The following STRBP variants were observed in gnomAD, a reference collection of about 807,000 sequenced individuals.
STRBP encodes the protein spermatid perinuclear RNA-binding protein.
In STRBP, 13 loss-of-function variants were observed where a neutral mutation model predicts 80.1. The ratio of observed to expected loss-of-function variants is 0.16; its 90% confidence interval spans 0.11 to 0.26. The LOEUF (loss-of-function observed/expected upper bound fraction) is 0.26, where lower values mean the gene tolerates loss of function less well. STRBP is among the 10% of genes least tolerant of loss of function. The pLI is 1.00. For synonymous variants in STRBP, 284 were observed against 291.2 expected (o/e 0.98, Z 0.25); for missense variants, 485 against 815.2 (o/e 0.59, Z 4.93).
At chr9:123,225,674 T>G (rs1032072424) in intron 2 of STRBP, among the ~76,000 whole-genome samples, 1 of 152,318 alleles carries the variant, frequency 6.6e-6, no homozygotes, top group African/African-American at 2.4e-5. Flanking sequence ...CACCCCCTGA[T>G]GGTATTGGCG....
intron 14 of STRBP, among the ~76,000 whole-genome samples, 189 bp downstream of exon 14, chr9:123,139,340 T>C (rs1454303575): frequency 6.6e-6 from 1 of 152,202 alleles, no homozygotes; most frequent in Non-Finnish European, 1.5e-5. Context: ...CATGAAAAGA[T>C]GACTGCCTTC....
chr9:123,162,539 A>T (rs1044238580), intron 6 of STRBP, among the ~76,000 whole-genome samples: 1 of 152,200 alleles, frequency 6.6e-6, no homozygotes, highest in African/African-American at 2.4e-5. Flanking sequence ...TAACTGATGA[A>T]ATGTCATTAA....
chr9:123,264,243 T>G (rs559350551), intron 1 of STRBP, among the ~76,000 whole-genome samples: 2 of 152,218 alleles, frequency 1.3e-5, no homozygotes, highest in African/African-American at 4.8e-5. Context: ...AAATTCCTGC[T>G]TAGAAACAAT....
In STRBP at chr9:123,123,371, CTT is replaced by C; in HGVS notation, c.*2224_*2225del. On this transcript the variant is annotated 3_prime_UTR_variant, in exon 19 of 19. Transcript: ENST00000348403. ...GGGAAGGGCAACAGGTGGGGGGACACTTAATTCATTACAGAATTTAAACAGTT... is the reference window on the plus strand; with the variant it reads ...GGGAAGGGCAACAGGTGGGGGGACACAATTCATTACAGAATTTAAACAGTT... The C allele has an allele frequency of 1.0e-6, 1 of 985,374 alleles. No individual in the cohort carries two copies. Among genetic ancestry groups the C allele is most frequent in the Non-Finnish European group, 1.2e-6 (1 of 829,924 alleles). 61.0% of individuals were successfully genotyped at this position (985,374 alleles called of 1,614,324 possible).
At position 123,188,203 on chromosome 9, in the gene STRBP, T is replaced by C. The variant is rs981039924; in HGVS notation, c.-164-3905A>G. Among the ~76,000 whole-genome samples the C allele has an allele frequency of 3.9e-5, 6 of 152,360 alleles. No individual in the cohort carries two copies. In the South Asian group the frequency reaches 1.0e-3, roughly 26 times the overall value. On this transcript the variant is annotated intron_variant, in intron 2 of 18. Coordinates refer to ENST00000348403, the MANE Select transcript of STRBP (RefSeq NM_018387.5). ...CATCTTTTCATGGATTGATAGCTCA[T>C]TTCTTTTTATTGCTGAATAATATTC...
intron 2 of STRBP, among the ~76,000 whole-genome samples, chr9:123,202,264 T>C (rs1233070299): frequency 6.6e-6 from 1 of 152,218 alleles, no homozygotes; most frequent in Non-Finnish European, 1.5e-5. Flanking sequence ...CTCATGTTGT[T>C]ACCTAGTTTG....
At position 123,158,378 on chromosome 9, in the gene STRBP, C is replaced by T. The variant is rs1314218463; in HGVS notation, c.887G>A (p.Ser296Asn). The T allele has an allele frequency of 3.1e-6, 5 of 1,613,640 alleles. No individual in the cohort carries two copies. In the Admixed American group the frequency reaches 8.3e-5, roughly 27 times the overall value. ...TTCTTTTTGCTGGATGGTCATATAG[C>T]TCAGAGCATCTGTTGGGTCTCGCTC... ...PCERDPTDAL[S>N]YMTIQQKEDI... The change falls in exon 10 of 19, where the codon AGC (serine) becomes AAC (asparagine). Residue 296 changes from serine (S) to asparagine (N), a missense_variant. Coordinates refer to ENST00000348403, the MANE Select transcript of STRBP (RefSeq NM_018387.5).
At chr9:123,205,408 C>T (rs1313705024) in intron 2 of STRBP, among the ~76,000 whole-genome samples, 1 of 152,192 alleles carries the variant, frequency 6.6e-6, no homozygotes, top group African/African-American at 2.4e-5. Context: ...CCATTCTGTA[C>T]CACAGAGCAT....
In STRBP at chr9:123,136,632, G is replaced by A; in HGVS notation, c.1498-117C>T. ...AAAAATTCTACTTCAAAGCACTCAG[G>A]GGCTAGAATGAGTCACCTCTTTACA... On this transcript the variant is annotated intron_variant, in intron 14 of 18. Transcript: ENST00000348403. This position sits in a 1 kb window ranked among gnomAD's most constrained non-coding sequence, Gnocchi z 4.2. 1.7e-6 allele frequency: 2 copies of A among 1,201,564 alleles called. No homozygotes were observed. Among genetic ancestry groups the A allele is most frequent in the Non-Finnish European group, 2.3e-6 (2 of 880,084 alleles). The allele number at this position is 1,201,564 out of a possible 1,614,324, so 74.4% of individuals were successfully genotyped here. A position where few individuals can be genotyped will look rare whatever the true frequency, so the allele number is the denominator to read the frequency against.
chr9:123,159,333 C>T (rs1483250156), intron 8 of STRBP, 126 bp from the exon 9 acceptor site: 1 of 569,414 alleles, frequency 1.8e-6, no homozygotes, highest in Admixed American at 3.3e-5. Context: ...CATTTAGGAC[C>T]CACTTAACAT....
chr9:123,154,539 T>C (rs1466868580), intron 11 of STRBP, among the ~76,000 whole-genome samples: 2 of 150,836 alleles, frequency 1.3e-5, no homozygotes. Flanking sequence ...TTCTTACCCA[T>C]GGCACTGGTT....
intron 2 of STRBP, among the ~76,000 whole-genome samples, chr9:123,191,757 T>C (rs1050205018): frequency 6.6e-6 from 1 of 152,146 alleles, no homozygotes; most frequent in African/African-American, 2.4e-5. Context: ...TGGGCCAAAT[T>C]TGGTCATGGG....
intron 10 of STRBP, 103 bp from the exon 11 acceptor site, chr9:123,158,226 G>A (rs41278256): frequency 0.011 from 15,570 of 1,475,330 alleles, 109 homozygotes; most frequent in Non-Finnish European, 0.013. Context: ...CATTATAACA[G>A]CAGAAGTCCC....
rs777344917 is a variant in STRBP, at chr9:123,115,357, G to A, written c.*84+572C>T. 2.1e-6 allele frequency: 1 copy of A among 471,018 alleles called. No homozygotes were observed. Among genetic ancestry groups the A allele is most frequent in the Non-Finnish European group, 4.4e-6 (1 of 227,028 alleles). The allele number at this position is 471,018 out of a possible 1,614,324, so 29.2% of individuals were successfully genotyped here. A position where few individuals can be genotyped will look rare whatever the true frequency, so the allele number is the denominator to read the frequency against. On this transcript the variant is annotated intron_variant and NMD_transcript_variant, in intron 3 of 3. Coordinates refer to the STRBP transcript ENST00000471564. The surrounding 1 kb of genome is among the most constrained non-coding windows in gnomAD (Gnocchi z 5.0). Reference sequence around the variant, plus strand: ...TGCCCTCGGCGGGAGACCTGGGAACGGGCCTGCCAGCGCCCAGCCCAGGGC... The same window carrying A: ...TGCCCTCGGCGGGAGACCTGGGAACAGGCCTGCCAGCGCCCAGCCCAGGGC...
chr9:123,123,897 G>A lies in STRBP; in HGVS notation c.*1700C>T, dbSNP rs1474275624. ...CATCAATGAAACATGAAAACTCCCA[G>A]CTGAAATGGGCCCTCTTGTTTATGT... On this transcript the variant is annotated 3_prime_UTR_variant, in exon 19 of 19. Coordinates refer to ENST00000348403, the MANE Select transcript of STRBP (RefSeq NM_018387.5). The A allele has an allele frequency of 1.3e-5, 13 of 985,242 alleles. No homozygotes were observed. Among genetic ancestry groups the A allele is most frequent in the Non-Finnish European group, 1.6e-5 (13 of 829,940 alleles). The allele number at this position is 985,242 out of a possible 1,614,324, so 61.0% of individuals were successfully genotyped here. A position where few individuals can be genotyped will look rare whatever the true frequency, so the allele number is the denominator to read the frequency against.
chr9:123,154,868 G>A (rs774021690), intron 11 of STRBP, among the ~76,000 whole-genome samples: 12 of 152,332 alleles, frequency 7.9e-5, no homozygotes, highest in Middle Eastern at 3.4e-3. Context: ...GGAGAGAAAT[G>A]CAACTCTGTT....
At position 123,126,916 on chromosome 9, in the gene STRBP, AGAGTTT is replaced by A. The variant is rs1338194683; in HGVS notation, c.1943-1249_1943-1244del. 2.0e-5 allele frequency among the ~76,000 whole-genome samples: 3 copies of A among 152,184 alleles called. No homozygotes were observed. The highest frequency in any genetic ancestry group is 4.4e-5 in the Non-Finnish European group (3 of 68,036). On this transcript the variant is annotated intron_variant, in intron 18 of 18. Coordinates refer to ENST00000348403, the MANE Select transcript of STRBP (RefSeq NM_018387.5). The surrounding 1 kb of genome is among the most constrained non-coding windows in gnomAD (Gnocchi z 4.4). ...CCAAACCCAAACCCAAAGGAACTAG[AGAGTTT>A]GAATTTAGAAGGAAACCTGCGTAAG...
intron 2 of STRBP, among the ~76,000 whole-genome samples, chr9:123,202,418 C>A (rs540349086): frequency 1.1e-4 from 16 of 152,250 alleles, no homozygotes; most frequent in African/African-American, 3.6e-4. Flanking sequence ...GGGACAAATT[C>A]CCCTGGCATT....
At position 123,132,960 on chromosome 9, in the gene STRBP, G is replaced by A. The variant is rs1284644915; in HGVS notation, c.1782C>T (p.Gly594=). 8 of 1,609,762 alleles carry A rather than the reference G, an allele frequency of 5.0e-6. No homozygotes were observed. The highest frequency in any genetic ancestry group is 2.2e-5 in the East Asian group (1 of 44,868). The change falls in exon 17 of 19, where the codon GGC becomes GGT. Residue 594 remains glycine, a synonymous_variant. Coordinates refer to ENST00000348403, the MANE Select transcript of STRBP (RefSeq NM_018387.5). ...CTGCAGACACAGCTGTATTCACAAC[G>A]CCCTTTGCCTGTTAAAATAACACAT... ...KKKKIIPQAK[G]VVNTAVSAAV... is the part of the protein sequence containing the mutation.
Sources: gnomAD v4.1 joint callset for allele counts (sites outside exome capture counted in the v4.1 genomes callset) on GRCh38, gnomAD v4.1.1 for gene constraint, Gnocchi (gnomAD v3.1) non-coding constraint, MANE v1.5 for transcripts, NCBI Gene and HGNC (gene_info 2026-07-23, HGNC 2026-07-21) for gene names.